The following MYO7A variants were observed in gnomAD, a reference collection of about 807,000 sequenced individuals.
MYO7A encodes myosin VIIA.
Under a neutral mutation model 263.8 loss-of-function variants are expected in MYO7A, and 210 were observed. That is an observed-to-expected ratio of 0.80 (90% confidence interval 0.71 to 0.89). The LOEUF is 0.89. MYO7A is among the 40% of genes least tolerant of loss of function. The pLI, the probability that MYO7A is intolerant of heterozygous loss-of-function variation, is 0.00. For missense variants in MYO7A, 2,820 were observed against 2,968.3 expected (o/e 0.95, Z 1.16); for synonymous variants, 1,239 against 1,197.3 (o/e 1.03, Z -0.72).
At chr11:77,154,504 A>G (rs1335724534) in intron 4 of MYO7A, among the ~76,000 whole-genome samples, 1 of 152,056 alleles carries the variant, frequency 6.6e-6, no homozygotes, top group Non-Finnish European at 1.5e-5. Flanking sequence ...TCTGCTCTGC[A>G]CTTTGCAACC....
rs1555067555 is a variant in MYO7A, at chr11:77,160,232, A to G, written c.1150A>G (p.Thr384Ala). ...CATCACCCGCGGGGAGACGGTGTCC[A>G]CCCCACTGAGCAGGGAACAGGCACT... ...TLITRGETVS[T>A]PLSREQALDV... The change falls in exon 11 of 49, where the codon ACC becomes GCC. Residue 384 changes from threonine to alanine, a missense_variant. Physicochemically the swap from Thr to Ala is moderately conservative, Grantham distance 58 (BLOSUM62 0). Coordinates refer to ENST00000409709, the MANE Select transcript of MYO7A (RefSeq NM_000260.4). 4 of 1,580,858 alleles carry G rather than the reference A, an allele frequency of 2.5e-6. No individual in the cohort carries two copies. The South Asian group carries it at 3.5e-5, about 14-fold the overall frequency.
At chr11:77,141,395 TTC>T (rs782261159) in intron 2 of MYO7A, among the ~76,000 whole-genome samples, 12 of 152,304 alleles carry the variant, frequency 7.9e-5, no homozygotes, top group Non-Finnish European at 1.6e-4. Context: ...CCAGAACAGA[TTC>T]TGTCAGACCA....
intron 20 of MYO7A, 113 bp from the exon 21 acceptor site, chr11:77,179,622 C>T: frequency 1.1e-6 from 1 of 925,546 alleles, no homozygotes; most frequent in Non-Finnish European, 1.6e-6. Flanking sequence ...CTGGGCCACG[C>T]CTTCTGGGGG....
Position 77,214,726 on chromosome 11 carries a change from C to T in MYO7A, c.*30C>T. On this transcript the variant is annotated 3_prime_UTR_variant, in exon 49 of 49. Transcript: ENST00000409709. ...TCACGGGGAGGTGCTGGTTCCATGC[C>T]TGCTCTCGAGGCAGCAGTGGGTTCA... 6.6e-7 allele frequency: 1 copy of T among 1,513,662 alleles called. No homozygotes were observed. Among genetic ancestry groups the T allele is most frequent in the Non-Finnish European group, 9.0e-7 (1 of 1,111,082 alleles). 93.8% of individuals were successfully genotyped at this position (1,513,662 alleles called of 1,614,324 possible).
At position 77,201,545 on chromosome 11, in the gene MYO7A, C is replaced by T. The variant is rs80033599; in HGVS notation, c.4950C>T (p.Asn1650=). 3.3e-3 allele frequency: 5,372 copies of T among 1,613,862 alleles called. 153 individuals are homozygous for T. In the African/African-American group the frequency reaches 0.063, roughly 19 times the overall value. ...AGGTCATGAACTCGGGCTGGGCCAA[C>T]GGCATCAATGAGAGGACCAAGCAGC... ...GEQVMNSGWA[N]GINERTKQRG... is the part of the protein sequence containing the mutation. The change falls in exon 36 of 49, where the codon AAC becomes AAT. Residue 1650 remains asparagine (N), a synonymous_variant. Coordinates refer to ENST00000409709, the MANE Select transcript of MYO7A (RefSeq NM_000260.4).
intron 15 of MYO7A, 119 bp downstream of exon 15, chr11:77,166,281 G>A: frequency 2.4e-6 from 2 of 844,982 alleles, no homozygotes; most frequent in South Asian, 2.9e-5. Flanking sequence ...TGGGTATGGA[G>A]CTTTGCTGTG....
Position 77,162,221 on chromosome 11 carries a change from TTGAC to T in MYO7A, c.1448_1451del (p.Asp483GlyfsTer15). 6.3e-7 allele frequency: 1 copy of T among 1,582,450 alleles called. No individual in the cohort carries two copies. The highest frequency in any genetic ancestry group is 1.2e-5 in the South Asian group (1 of 86,254). Reference sequence around the variant, plus strand: ...CAGGAGGAATATGACCTGGAGAGCATTGACTGGCTGCACATCGAGTTCACTGACA... The same window carrying T: ...CAGGAGGAATATGACCTGGAGAGCATTGGCTGCACATCGAGTTCACTGACA... On this transcript the variant is annotated frameshift_variant, in exon 13 of 49. Transcript: ENST00000409709. LOFTEE classifies it high-confidence loss of function.
At chr11:77,136,269 C>T (rs1311745113) in intron 2 of MYO7A, among the ~76,000 whole-genome samples, 3 of 152,222 alleles carry the variant, frequency 2.0e-5, no homozygotes, top group Middle Eastern at 3.2e-3. Flanking sequence ...GAGACTCATA[C>T]TAACGATTCG....
intron 32 of MYO7A, 58 bp downstream of exon 32, chr11:77,194,582 T>A: frequency 6.7e-7 from 1 of 1,499,706 alleles, no homozygotes; most frequent in South Asian, 1.3e-5. Context: ...ACCAAGGAGG[T>A]CCCAGGCCTC....
Position 77,162,244 on chromosome 11 carries a change from A to G in MYO7A, c.1468A>G (p.Thr490Ala). 1 of 1,564,104 alleles carries G rather than the reference A, an allele frequency of 6.4e-7. No homozygotes were observed. The highest frequency in any genetic ancestry group is 8.7e-7 in the Non-Finnish European group (1 of 1,153,590). ...ESIDWLHIEF[T>A]DNQDALDMIA... ...CATTGACTGGCTGCACATCGAGTTC[A>G]CTGACAACCAGGATGCCCTGGACAT... The change falls in exon 13 of 49, where the codon ACT becomes GCT. Residue 490 changes from threonine (T) to alanine (A), a missense_variant. Transcript: ENST00000409709.
chr11:77,211,405 G>C, intron 45 of MYO7A, 68 bp downstream of exon 45: 1 of 1,474,864 alleles, frequency 6.8e-7, no homozygotes, highest in Non-Finnish European at 9.1e-7. Flanking sequence ...CAGGGGCCAA[G>C]GGGGCAGACA....
intron 46 of MYO7A, chr11:77,212,696 C>CT: frequency 5.4e-6 from 3 of 560,548 alleles, no homozygotes; most frequent in East Asian, 6.0e-5. Context: ...GTCCAGGAGG[C>CT]TTTTTAAAGA....
At chr11:77,144,555 A>AC (rs1951436937) in intron 3 of MYO7A, among the ~76,000 whole-genome samples, 1 of 151,460 alleles carries the variant, frequency 6.6e-6, no homozygotes, top group South Asian at 2.1e-4. Context: ...GTGGCATTGG[A>AC]CCCCCAGGGC....
At chr11:77,158,877 G>A (rs1424192115) in intron 9 of MYO7A, among the ~76,000 whole-genome samples, 3 of 152,184 alleles carry the variant, frequency 2.0e-5, no homozygotes, top group Non-Finnish European at 4.4e-5. Context: ...CAGGCTGGGA[G>A]GTGATCCCCT....
In MYO7A at chr11:77,198,767, C is replaced by T. The variant is rs1956863615; in HGVS notation, c.4568+146C>T. On this transcript the variant is annotated intron_variant, in intron 34 of 48. Coordinates refer to ENST00000409709, the MANE Select transcript of MYO7A (RefSeq NM_000260.4). ...CAGTTTGTGCCGCACTGTGCAGACCCCTCTGGCACCTCCTAGTGGAGGGAT... is the reference window on the plus strand; with the variant it reads ...CAGTTTGTGCCGCACTGTGCAGACCTCTCTGGCACCTCCTAGTGGAGGGAT... 4.1e-6 allele frequency: 5 copies of T among 1,231,334 alleles called. No homozygotes were observed. The South Asian group carries it at 4.5e-5, about 11-fold the overall frequency. 76.3% of individuals were successfully genotyped at this position (1,231,334 alleles called of 1,614,324 possible). A position where few individuals can be genotyped will look rare whatever the true frequency, so the allele number is the denominator to read the frequency against.
In MYO7A at chr11:77,202,385, A is replaced by G. The variant is rs1309335969; in HGVS notation, c.5129A>G (p.Lys1710Arg). The G allele has an allele frequency of 5.1e-6, 8 of 1,556,444 alleles. No individual in the cohort carries two copies. The Admixed American group carries it at 1.6e-4, about 30-fold the overall frequency. The change falls in exon 37 of 49, where the codon AAG becomes AGG. Residue 1710 changes from lysine (K) to arginine (R), a missense_variant. Physicochemically the swap from Lys to Arg is conservative, Grantham distance 26. Transcript: ENST00000409709. ...LRTAEPEVRA[K>R]PYTLEEFSYD... is the part of the protein sequence containing the mutation. ...ACGGCGGAGCCCGAGGTGCGTGCCA[A>G]GCCCTACACGCTGGAGGAGTTTTCC...
chr11:77,212,026 C>G (rs1308475285), intron 46 of MYO7A, 89 bp downstream of exon 46: 2 of 1,142,868 alleles, frequency 1.7e-6, no homozygotes, highest in South Asian at 2.6e-5. Flanking sequence ...TGGGAAAGAG[C>G]CATGGCCTTG....
Position 77,190,819 on chromosome 11 carries a change from C to T in MYO7A, c.3873C>T (p.Ile1291=). ...KELCNALADK[I]SLKDRFGFSL... ...TCTGCAACGCGCTGGCCGACAAGAT[C>T]TCTCTCAAGGACCGGTTCGGGTTCT... The change falls in exon 30 of 49, where the codon ATC becomes ATT. Residue 1291 remains isoleucine, a synonymous_variant. Coordinates refer to ENST00000409709, the MANE Select transcript of MYO7A (RefSeq NM_000260.4). 6.3e-7 allele frequency: 1 copy of T among 1,591,068 alleles called. No individual in the cohort carries two copies. Among genetic ancestry groups the T allele is most frequent in the Non-Finnish European group, 8.6e-7 (1 of 1,169,196 alleles).
Position 77,181,992 on chromosome 11 carries a change from G to A in MYO7A, c.2946G>A (p.Leu982=). The change falls in exon 24 of 49, where the codon CTG becomes CTA. Residue 982 remains leucine (L), a synonymous_variant. Coordinates refer to ENST00000409709, the MANE Select transcript of MYO7A (RefSeq NM_000260.4). ...RGRREMVEED[L]DAALPLPDED... is the part of the protein sequence containing the mutation. ...GGAGGGAGATGGTGGAGGAGGACCTGGATGCAGCCCTGCCCCTGCCTGACG... is the reference window on the plus strand; with the variant it reads ...GGAGGGAGATGGTGGAGGAGGACCTAGATGCAGCCCTGCCCCTGCCTGACG... 1 of 1,613,312 alleles carries A rather than the reference G, an allele frequency of 6.2e-7. No homozygotes were observed. Among genetic ancestry groups the A allele is most frequent in the Non-Finnish European group, 8.5e-7 (1 of 1,179,814 alleles).
Sources: gnomAD v4.1 joint callset for allele counts (sites outside exome capture counted in the v4.1 genomes callset) on GRCh38, gnomAD v4.1.1 for gene constraint, MANE v1.5 for transcripts, NCBI Gene and HGNC (gene_info 2026-07-23, HGNC 2026-07-21) for gene names.